Variants in MRPS6 observed in about 807,000 individuals in gnomAD.
MRPS6 encodes the protein small ribosomal subunit protein bS6m.
In MRPS6, 6 loss-of-function variants were observed where a neutral mutation model predicts 13.1. The ratio of observed to expected loss-of-function variants is 0.46; its 90% CI spans 0.25 to 0.91. The LOEUF (loss-of-function observed/expected upper bound fraction) is 0.91, where lower values mean the gene tolerates loss of function less well. MRPS6 is among the 40% of genes least tolerant of loss of function. The pLI, the probability that MRPS6 is intolerant of heterozygous loss-of-function variation, is 0.18. For synonymous variants in MRPS6, 61 were observed against 56.5 expected (o/e 1.08, Z -0.36); for missense variants, 164 against 155.6 (o/e 1.05, Z -0.29).
chr21:34,141,257 A>C (rs1980897399), intron 2 of MRPS6, among the ~76,000 whole-genome samples: 1 of 152,230 alleles, frequency 6.6e-6, no homozygotes, highest in South Asian at 2.1e-4. Flanking sequence ...TGAGGCAGAC[A>C]GTAAGCAAAT....
At chr21:34,097,594 T>A in intron 1 of MRPS6, 1 of 1,250,360 alleles carries the variant, frequency 8.0e-7, no homozygotes, top group African/African-American at 1.5e-5. Flanking sequence ...GTTTTAAATT[T>A]TGCATACCAA....
chr21:34,097,562 CAG>C, intron 1 of MRPS6: 4 of 1,346,524 alleles, frequency 3.0e-6, no homozygotes, highest in Non-Finnish European at 3.8e-6. Context: ...CCAAACCTAA[CAG>C]ACTGAATTGT....
Position 34,108,799 on chromosome 21 carries a change from TTCTAGCC to T in MRPS6, c.46-16531_46-16525del, listed in dbSNP as rs565526412. On this transcript the variant is annotated intron_variant, in intron 1 of 2. Coordinates refer to ENST00000399312, the MANE Select transcript of MRPS6 (RefSeq NM_032476.4). Reference sequence around the variant, plus strand: ...TTGAAATCATAAGACCATAGGAATTTTCTAGCCTCTAGCCTCTGTGCTCTAAAATTTC... The same window carrying T: ...TTGAAATCATAAGACCATAGGAATTTTCTAGCCTCTGTGCTCTAAAATTTC... Among the ~76,000 whole-genome samples, 396 of 152,320 alleles carry T rather than the reference TTCTAGCC, an allele frequency of 2.6e-3. 3 individuals carry two copies. Among genetic ancestry groups the T allele is most frequent in the Middle Eastern group, 0.02 (6 of 294 alleles).
At chr21:34,127,859 A>G (rs904464208) in intron 2 of MRPS6, among the ~76,000 whole-genome samples, 1 of 152,238 alleles carries the variant, frequency 6.6e-6, no homozygotes, top group Non-Finnish European at 1.5e-5. Flanking sequence ...AGTGGTTGAG[A>G]AGAAACAGTG....
At chr21:34,083,797 TTGTG>T (rs1038433186) in intron 1 of MRPS6, among the ~76,000 whole-genome samples, 2 of 152,174 alleles carry the variant, frequency 1.3e-5, no homozygotes, top group African/African-American at 2.4e-5. Context: ...TTTGCAAATT[TTGTG>T]TGTGTAAGAA....
intron 1 of MRPS6, chr21:34,098,958 A>G (rs1266523440): frequency 5.1e-6 from 5 of 983,426 alleles, no homozygotes; most frequent in South Asian, 9.5e-5. Context: ...AATTACTTTC[A>G]TAAATACTTT....
At chr21:34,091,312 A>G (rs1001440500) in intron 1 of MRPS6, among the ~76,000 whole-genome samples, 4 of 152,126 alleles carry the variant, frequency 2.6e-5, no homozygotes, top group Non-Finnish European at 4.4e-5. Flanking sequence ...AGTATAGGAG[A>G]TAATTTTTCT....
chr21:34,073,938 C>T (rs1160938084), intron 1 of MRPS6, among the ~76,000 whole-genome samples, 193 bp downstream of exon 1: 2 of 145,400 alleles, frequency 1.4e-5, no homozygotes, highest in African/African-American at 4.9e-5. Flanking sequence ...CGGCCGCGTG[C>T]GCGCGGGAGG....
intron 1 of MRPS6, among the ~76,000 whole-genome samples, chr21:34,114,286 A>G (rs1343535793): frequency 3.9e-5 from 6 of 152,178 alleles, no homozygotes; most frequent in Non-Finnish European, 8.8e-5. Flanking sequence ...TCATTTTTCC[A>G]TTTCACATTC....
intron 1 of MRPS6, chr21:34,105,650 G>A: frequency 1.0e-6 from 1 of 999,158 alleles, no homozygotes; most frequent in Non-Finnish European, 1.2e-6. Flanking sequence ...TAGGCCAAAT[G>A]TGATTATAAA....
At chr21:34,078,171 A>G (rs943607444) in intron 1 of MRPS6, among the ~76,000 whole-genome samples, 3 of 152,194 alleles carry the variant, frequency 2.0e-5, no homozygotes, top group African/African-American at 7.2e-5. Context: ...GGCCCTCCCT[A>G]AACAGCTTAG....
intron 1 of MRPS6, among the ~76,000 whole-genome samples, chr21:34,106,882 C>G (rs1365673526): frequency 6.6e-6 from 1 of 152,022 alleles, no homozygotes; most frequent in Non-Finnish European, 1.5e-5. Flanking sequence ...CTTTTGCCCC[C>G]TTTAATCTGG....
In MRPS6 at chr21:34,142,769, G is replaced by T. The variant is rs558108246; in HGVS notation, c.*169G>T. 123 of 672,282 alleles carry T rather than the reference G, an allele frequency of 1.8e-4. 1 individual carries two copies. In the South Asian group the frequency reaches 3.8e-3, roughly 21 times the overall value. The allele number at this position is 672,282 out of a possible 1,614,324, so 41.6% of individuals were successfully genotyped here. On this transcript the variant is annotated 3_prime_UTR_variant, in exon 3 of 3. Transcript: ENST00000399312. ...GATCCCCTTTGCTTGCGAGAGGTGGGGAACTGCTCACTGACAGCTTCTCTG... is the reference window on the plus strand; with the variant it reads ...GATCCCCTTTGCTTGCGAGAGGTGGTGAACTGCTCACTGACAGCTTCTCTG...
intron 1 of MRPS6, among the ~76,000 whole-genome samples, chr21:34,108,183 A>T (rs1031671012): frequency 1.3e-5 from 2 of 152,198 alleles, no homozygotes; most frequent in Non-Finnish European, 2.9e-5. Flanking sequence ...GTAATGTCTT[A>T]AGCTTTTACA....
chr21:34,109,572 T>C (rs562659403), intron 1 of MRPS6, among the ~76,000 whole-genome samples: 45 of 152,288 alleles, frequency 3.0e-4, no homozygotes, highest in African/African-American at 1.1e-3. Context: ...GAGCCCTCTT[T>C]TTTATCTGCC....
At chr21:34,079,539 G>A (rs777450205) in intron 1 of MRPS6, among the ~76,000 whole-genome samples, 52 of 149,866 alleles carry the variant, frequency 3.5e-4, no homozygotes, top group Non-Finnish European at 6.3e-4. Context: ...GGGTTCAAGC[G>A]ATTCTCATGT....
At chr21:34,135,735 G>A (rs868086341) in intron 2 of MRPS6, 1 of 432,470 alleles carries the variant, frequency 2.3e-6, no homozygotes, top group Non-Finnish European at 4.7e-6. Context: ...GAGGGTTCTC[G>A]CCTGTGAGCA....
At chr21:34,139,610 C>T (rs757829788) in intron 2 of MRPS6, among the ~76,000 whole-genome samples, 2 of 152,138 alleles carry the variant, frequency 1.3e-5, no homozygotes, top group Admixed American at 6.5e-5. Flanking sequence ...CAGAGTCTCG[C>T]TCTGTCACCC....
chr21:34,074,207 C>A (rs1602894727), intron 1 of MRPS6, among the ~76,000 whole-genome samples: 1 of 150,574 alleles, frequency 6.6e-6, no homozygotes, highest in Non-Finnish European at 1.5e-5. Context: ...CGCCGGCTGC[C>A]GCCGACCGCC....
Sources: gnomAD v4.1 joint callset for allele counts (sites outside exome capture counted in the v4.1 genomes callset) on GRCh38, gnomAD v4.1.1 for gene constraint, MANE v1.5 for transcripts, NCBI Gene and HGNC (gene_info 2026-07-23, HGNC 2026-07-21) for gene names.